FMN1: variants seen among roughly 807,000 people sequenced by gnomAD.
FMN1 encodes formin-1.
Under a neutral mutation model 132.4 loss-of-function variants are expected in FMN1, and 110 were observed. That is an observed-to-expected ratio of 0.83 (90% CI 0.71 to 0.97). The LOEUF (loss-of-function observed/expected upper bound fraction) is 0.97. FMN1 is among the 50% of genes least tolerant of loss of function. FMN1 has a pLI of 0.00. For synonymous variants in FMN1, 722 were observed against 651.7 expected (o/e 1.11, Z -1.64); for missense variants, 1,792 against 1,705.3 (o/e 1.05, Z -0.90).
chr15:33,040,752 T>C (rs938957526), intron 6 of FMN1, among the ~76,000 whole-genome samples: 3 of 152,204 alleles, frequency 2.0e-5, no homozygotes, highest in Non-Finnish European at 4.4e-5. Flanking sequence ...CAACATACAA[T>C]AGCATCTTTT....
chr15:32,872,449 T>C (rs569277377), intron 16 of FMN1, among the ~76,000 whole-genome samples: 1 of 152,230 alleles, frequency 6.6e-6, no homozygotes. Flanking sequence ...ACACATCTTA[T>C]CCACTGCTCT....
rs991089811 is a variant in FMN1 at position 33,112,374 on chromosome 15, G to T, written c.1868-23400C>A. ...TCTCTATGAAGAGTTGAGGTGGTTG[G>T]ATTATAGAAGATTTTGTTGTTCTGT... On this transcript the variant is annotated intron_variant, in intron 4 of 20. Coordinates refer to ENST00000616417, the MANE Select transcript of FMN1 (RefSeq NM_001277313.2). 3.3e-5 allele frequency among the ~76,000 whole-genome samples: 5 copies of T among 152,066 alleles called. 1 individual carries two copies. In the East Asian group the frequency reaches 9.6e-4, roughly 29 times the overall value.
At chr15:32,914,693 C>T (rs1185099584) in intron 10 of FMN1, among the ~76,000 whole-genome samples, 1 of 152,126 alleles carries the variant, frequency 6.6e-6, no homozygotes, top group African/African-American at 2.4e-5. Context: ...ATAGTGTGGA[C>T]AGAAAGGATA....
intron 5 of FMN1, chr15:33,067,156 T>C (rs1245233118): frequency 6.2e-7 from 1 of 1,613,856 alleles, no homozygotes. Context: ...TTACTGCAGG[T>C]AGGTCTTGGG....
At chr15:33,073,732 GTT>G (rs763275526) in intron 5 of FMN1, among the ~76,000 whole-genome samples, 14 of 109,816 alleles carry the variant, frequency 1.3e-4, no homozygotes, top group Non-Finnish European at 1.8e-4. Context: ...TACCTAGCTT[GTT>G]TTTTTTTTTT....
chr15:32,833,754 C>G (rs968154113), intron 17 of FMN1, among the ~76,000 whole-genome samples: 1 of 152,108 alleles, frequency 6.6e-6, no homozygotes, highest in Non-Finnish European at 1.5e-5. Context: ...AGAGATGAAC[C>G]AGCTGCTTTT....
chr15:32,858,987 C>T (rs1056495250), intron 16 of FMN1, among the ~76,000 whole-genome samples: 2 of 152,124 alleles, frequency 1.3e-5, no homozygotes, highest in Non-Finnish European at 2.9e-5. Flanking sequence ...GTAGATAGAG[C>T]TGGGATATAT....
intron 7 of FMN1, among the ~76,000 whole-genome samples, chr15:32,972,473 T>C (rs942658178): frequency 1.3e-5 from 2 of 152,236 alleles, no homozygotes; most frequent in African/African-American, 4.8e-5. Context: ...TGAAACTCCA[T>C]GATTTGACTG....
intron 4 of FMN1, among the ~76,000 whole-genome samples, chr15:33,126,898 A>G (rs2140204981): frequency 6.6e-6 from 1 of 152,336 alleles, no homozygotes; most frequent in East Asian, 1.9e-4. Flanking sequence ...GTATAACTGC[A>G]AAGTGGGATA....
At chr15:32,881,592 T>TTGTTTATGGGCCA (rs909879437) in intron 16 of FMN1, among the ~76,000 whole-genome samples, 1 of 152,192 alleles carries the variant, frequency 6.6e-6, no homozygotes, top group African/African-American at 2.4e-5. Context: ...AACCATATTG[T>TTGTTTATGGGCCA]TGTTTATGGG....
At chr15:32,958,136 C>T (rs1183522953) in intron 9 of FMN1, among the ~76,000 whole-genome samples, 2 of 152,072 alleles carry the variant, frequency 1.3e-5, no homozygotes, top group Non-Finnish European at 2.9e-5. Context: ...TCTTTTTACT[C>T]AAAGATTTGG....
intron 6 of FMN1, among the ~76,000 whole-genome samples, chr15:33,050,668 G>A (rs1014754162): frequency 2.0e-5 from 3 of 152,222 alleles, no homozygotes; most frequent in African/African-American, 7.2e-5. Flanking sequence ...GAGGCCAACT[G>A]TGTAGTATCT....
At chr15:33,068,951 G>T (rs1169230609) in intron 5 of FMN1, among the ~76,000 whole-genome samples, 1 of 152,222 alleles carries the variant, frequency 6.6e-6, no homozygotes, top group Admixed American at 6.5e-5. Flanking sequence ...CCTGGCAGCA[G>T]CAGGACACGC....
chr15:33,022,679 G>A (rs994075368), intron 6 of FMN1, among the ~76,000 whole-genome samples: 6 of 152,214 alleles, frequency 3.9e-5, no homozygotes, highest in African/African-American at 7.2e-5. Context: ...CTTCAGGCCT[G>A]AAGCTCTGGC....
At chr15:33,104,431 T>C (rs946186242) in intron 4 of FMN1, among the ~76,000 whole-genome samples, 2 of 152,130 alleles carry the variant, frequency 1.3e-5, no homozygotes, top group Non-Finnish European at 2.9e-5. Context: ...ATTTATTTTC[T>C]TTTTATTTGA....
rs147230080 is a variant in FMN1 at position 32,789,028 on chromosome 15, A to G, written c.4130+9776T>C. Among the ~76,000 whole-genome samples the G allele has an allele frequency of 2.8e-3, 421 of 152,344 alleles. 4 individuals are homozygous for G. Among genetic ancestry groups the G allele is most frequent in the African/African-American group, 9.7e-3 (403 of 41,582 alleles). The stretch of plus-strand genomic sequence containing the variant: ...AAAACCCAAATAAACAAGATTTTTC[A>G]TCTATCAGCAGCAGACAGCAAATCT... On this transcript the variant is annotated intron_variant, in intron 19 of 20. Coordinates refer to ENST00000616417, the MANE Select transcript of FMN1 (RefSeq NM_001277313.2).
At chr15:32,950,050 TACAC>T (rs1341745727) in intron 9 of FMN1, among the ~76,000 whole-genome samples, 1 of 3,942 alleles carries the variant, frequency 2.5e-4, no homozygotes, top group Non-Finnish European at 7.1e-4. Flanking sequence ...TATATATATA[TACAC>T]ATATATATAT....
intron 4 of FMN1, among the ~76,000 whole-genome samples, chr15:33,096,035 T>C (rs774030332): frequency 1.3e-5 from 2 of 150,810 alleles, no homozygotes; most frequent in African/African-American, 4.9e-5. Context: ...TACTATTAAA[T>C]GTGATTGAGC....
intron 4 of FMN1, among the ~76,000 whole-genome samples, chr15:33,131,605 T>G: frequency 6.6e-6 from 1 of 152,152 alleles, no homozygotes; most frequent in Non-Finnish European, 1.5e-5. Context: ...GGAAATATCC[T>G]TCAAAAATAC....
Sources: allele counts gnomAD v4.1 joint callset (sites outside exome capture counted in the v4.1 genomes callset), GRCh38; gene constraint gnomAD v4.1.1; transcripts MANE v1.5; gene names NCBI Gene and HGNC (gene_info 2026-07-23, HGNC 2026-07-21).